Variants in LRRC20 observed in about 807,000 individuals in gnomAD.
The protein encoded by LRRC20 is leucine-rich repeat-containing protein 20.
A neutral mutation model predicts 14.4 loss-of-function variants in LRRC20; 11 were observed. The ratio of observed to expected loss-of-function variants is 0.77; its 90% CI spans 0.48 to 1.27. The LOEUF (loss-of-function observed/expected upper bound fraction) is 1.27. LRRC20 is among the 50% of genes most tolerant of loss of function. The probability of loss-of-function intolerance (pLI) is 0.00; values close to 1 mark genes in which losing one functional copy is unlikely to be tolerated. For missense variants in LRRC20, 219 were observed against 251.2 expected, an observed-to-expected ratio of 0.87 and a Z score of 0.87; for synonymous variants, 121 against 107.3, an observed-to-expected ratio of 1.13 and a Z score of -0.79.
intron 2 of LRRC20, among the ~76,000 whole-genome samples, chr10:70,356,570 G>A (rs1318155254): frequency 3.3e-5 from 5 of 151,424 alleles, no homozygotes; most frequent in African/African-American, 1.2e-4. Context: ...CCTGTATGTA[G>A]TGCTGGGCAG....
rs924656959 is a variant in LRRC20, at chr10:70,300,610, G to T, written c.*744C>A. 5 of 985,504 alleles carry T rather than the reference G, an allele frequency of 5.1e-6. No individual in the cohort carries two copies. In the African/African-American group the frequency reaches 7.0e-5, roughly 14 times the overall value. 61.0% of individuals were successfully genotyped at this position (985,504 alleles called of 1,614,324 possible). On this transcript the variant is annotated 3_prime_UTR_variant, in exon 5 of 5. Coordinates refer to ENST00000446961, the MANE Select transcript of LRRC20 (RefSeq NM_001278212.2). ...CTCCCGCAGCTCAGGAGTGATGCTA[G>T]AGGGACGGAGCACTCAGGACTTCCC... is the stretch of plus-strand genomic sequence containing the variant.
chr10:70,331,947 G>C (rs138229872), intron 3 of LRRC20, among the ~76,000 whole-genome samples: 145 of 152,328 alleles, frequency 9.5e-4, no homozygotes, highest in African/African-American at 3.4e-3. Context: ...CCCCAGCTGA[G>C]AGAGAAGCTT....
intron 3 of LRRC20, among the ~76,000 whole-genome samples, chr10:70,333,348 G>A (rs1461379519): frequency 6.6e-6 from 1 of 152,208 alleles, no homozygotes; most frequent in Non-Finnish European, 1.5e-5. Context: ...GGATGGAAGC[G>A]ATGCTCTCCT....
In LRRC20 at chr10:70,324,048, G is replaced by T; in HGVS notation, c.233-18C>A. On this transcript the variant is annotated intron_variant, in intron 3 of 4. Transcript: ENST00000446961. ...GTGGAGCTCTGCCACGTGCAGGGAA[G>T]GAGAGAGAACAGGATGAGGAGGGGG... 6.2e-7 allele frequency: 1 copy of T among 1,612,892 alleles called. No individual in the cohort carries two copies. The highest frequency in any genetic ancestry group is 8.5e-7 in the Non-Finnish European group (1 of 1,179,634).
intron 2 of LRRC20, among the ~76,000 whole-genome samples, chr10:70,374,999 A>C (rs1417452873): frequency 6.6e-6 from 1 of 152,084 alleles, no homozygotes; most frequent in African/African-American, 2.4e-5. Flanking sequence ...GTACCAGGTG[A>C]GTGGGTGGCA....
intron 3 of LRRC20, among the ~76,000 whole-genome samples, chr10:70,331,562 G>A (rs1344405788): frequency 6.6e-6 from 1 of 152,172 alleles, no homozygotes; most frequent in Non-Finnish European, 1.5e-5. Flanking sequence ...TGGAGTCACA[G>A]CACCCAGGCC....
At chr10:70,312,897 A>G (rs1841723452) in intron 4 of LRRC20, among the ~76,000 whole-genome samples, 1 of 152,180 alleles carries the variant, frequency 6.6e-6, no homozygotes, top group African/African-American at 2.4e-5. Context: ...ATCTACCAAT[A>G]AACCTAGAGA....
intron 2 of LRRC20, among the ~76,000 whole-genome samples, chr10:70,366,819 T>G (rs184945136): frequency 6.6e-6 from 1 of 152,216 alleles, no homozygotes; most frequent in Non-Finnish European, 1.5e-5. Flanking sequence ...GCATTTACAT[T>G]GTATTATGTA....
intron 4 of LRRC20, among the ~76,000 whole-genome samples, chr10:70,315,398 A>T (rs1341685480): frequency 6.6e-6 from 1 of 152,220 alleles, no homozygotes; most frequent in African/African-American, 2.4e-5. Context: ...AAATAGAGTT[A>T]TAATTAAGCA....
At chr10:70,315,492 C>T (rs1336181290) in intron 4 of LRRC20, among the ~76,000 whole-genome samples, 1 of 152,162 alleles carries the variant, frequency 6.6e-6, no homozygotes, top group Non-Finnish European at 1.5e-5. Flanking sequence ...CCCAGTTGTT[C>T]CTGTAGATAG....
intron 4 of LRRC20, among the ~76,000 whole-genome samples, chr10:70,322,875 G>T (rs1842142872): frequency 2.6e-5 from 4 of 151,942 alleles, no homozygotes; most frequent in Admixed American, 2.6e-4. Flanking sequence ...TCAGAGTCCT[G>T]CCTGTGGCAC....
intron 4 of LRRC20, among the ~76,000 whole-genome samples, chr10:70,304,531 T>G (rs1841346029): frequency 7.0e-6 from 1 of 143,236 alleles, no homozygotes; most frequent in Non-Finnish European, 1.5e-5. Context: ...AATAACAATC[T>G]TTTTTAAATA....
At chr10:70,316,530 TG>T (rs1425987927) in intron 4 of LRRC20, among the ~76,000 whole-genome samples, 2 of 152,264 alleles carry the variant, frequency 1.3e-5, no homozygotes, top group African/African-American at 4.8e-5. Flanking sequence ...TTGGAGGTTT[TG>T]GTTCATCCAG....
Position 70,299,392 on chromosome 10 carries a change from T to C in LRRC20, c.*1962A>G, listed in dbSNP as rs1237617860. Reference sequence around the variant, plus strand: ...GAGAACTGAGAGAAACTTCACCCTCTGCTCGGAGGACATCCCCAGCCTAGG... The same window carrying C: ...GAGAACTGAGAGAAACTTCACCCTCCGCTCGGAGGACATCCCCAGCCTAGG... On this transcript the variant is annotated 3_prime_UTR_variant, in exon 5 of 5. Coordinates refer to ENST00000446961, the MANE Select transcript of LRRC20 (RefSeq NM_001278212.2). The C allele has an allele frequency of 6.6e-6, 1 of 152,266 alleles. No individual in the cohort carries two copies. The highest frequency in any genetic ancestry group is 1.5e-5 in the Non-Finnish European group (1 of 68,090). The allele number at this position is 152,266 out of a possible 1,614,324, so 9.4% of individuals were successfully genotyped here.
At chr10:70,350,774 C>A (rs559261560) in intron 2 of LRRC20, among the ~76,000 whole-genome samples, 1 of 152,192 alleles carries the variant, frequency 6.6e-6, no homozygotes, top group Admixed American at 6.5e-5. Context: ...GCTCCCAAGG[C>A]TACTGGAGGA....
chr10:70,365,394 G>C (rs2137122832), intron 2 of LRRC20, among the ~76,000 whole-genome samples: 1 of 152,288 alleles, frequency 6.6e-6, no homozygotes, highest in Non-Finnish European at 1.5e-5. Context: ...AGGGTCCGTG[G>C]ATCTGCATGC....
intron 4 of LRRC20, among the ~76,000 whole-genome samples, chr10:70,307,279 T>G (rs963884198): frequency 1.3e-5 from 2 of 152,262 alleles, no homozygotes; most frequent in African/African-American, 4.8e-5. Context: ...CTCTCTACTC[T>G]GCCAGCAATG....
chr10:70,333,281 TG>T (rs775676034), intron 3 of LRRC20, among the ~76,000 whole-genome samples: 9 of 152,196 alleles, frequency 5.9e-5, no homozygotes, highest in Admixed American at 4.6e-4. Context: ...AATTCTGGGC[TG>T]GGGGGTGCAA....
intron 2 of LRRC20, among the ~76,000 whole-genome samples, chr10:70,356,015 G>A (rs142464646): frequency 1.1e-3 from 164 of 152,322 alleles, no homozygotes; most frequent in African/African-American, 3.6e-3. Flanking sequence ...AGCTGAGCAT[G>A]AGGCCCTCCA....
Sources: gnomAD v4.1 joint callset for allele counts (sites outside exome capture counted in the v4.1 genomes callset) on GRCh38, gnomAD v4.1.1 for gene constraint, MANE v1.5 for transcripts, NCBI Gene and HGNC (gene_info 2026-07-23, HGNC 2026-07-21) for gene names.